Variants in CFDP1 observed in about 807,000 individuals in gnomAD.
CFDP1 encodes chromatin remodeling protein CFDP1.
CFDP1 carries 31 observed loss-of-function variants against 40.1 expected under a neutral mutation model. The ratio of observed to expected loss-of-function variants is 0.77; its 90% CI spans 0.58 to 1.04. The LOEUF is 1.04. Ranked by LOEUF, CFDP1 falls within the 50% of genes least tolerant of loss-of-function variation. CFDP1 has a pLI of 0.00. For missense variants in CFDP1, 423 were observed against 343.4 expected (o/e 1.23, Z -1.83); for synonymous variants, 167 against 120.0 (o/e 1.39, Z -2.56).
At chr16:75,399,296 G>T (rs1442677311) in intron 4 of CFDP1, among the ~76,000 whole-genome samples, 1 of 152,158 alleles carries the variant, frequency 6.6e-6, no homozygotes, top group Non-Finnish European at 1.5e-5. Flanking sequence ...CAGGCTTAAT[G>T]CAGGGTTCTG....
At chr16:75,421,558 T>C (rs1235932943) in intron 1 of CFDP1, among the ~76,000 whole-genome samples, 1 of 152,158 alleles carries the variant, frequency 6.6e-6, no homozygotes, top group Non-Finnish European at 1.5e-5. Context: ...ATAACCTTTC[T>C]AGTGCCCCAA....
chr16:75,430,319 G>A (rs1239947686), intron 1 of CFDP1, among the ~76,000 whole-genome samples: 3 of 151,720 alleles, frequency 2.0e-5, no homozygotes, highest in Non-Finnish European at 2.9e-5. Context: ...ACAGGCACAC[G>A]CCACCACACC....
chr16:75,418,306 CTTTTTTT>C (rs60458195), intron 1 of CFDP1, among the ~76,000 whole-genome samples: 1 of 107,140 alleles, frequency 9.3e-6, no homozygotes. Flanking sequence ...AACTCTAACC[CTTTTTTT>C]TTTTTTTTTT....
chr16:75,429,309 A>G (rs1201786316), intron 1 of CFDP1, among the ~76,000 whole-genome samples: 1 of 152,100 alleles, frequency 6.6e-6, no homozygotes, highest in Non-Finnish European at 1.5e-5. Context: ...TCAAACAGAC[A>G]ATCAATTACG....
At chr16:75,352,558 ATCTC>A (rs1204873241) in intron 5 of CFDP1, among the ~76,000 whole-genome samples, 3 of 152,182 alleles carry the variant, frequency 2.0e-5, no homozygotes, top group Admixed American at 2.0e-4. Flanking sequence ...TCATAAGTGT[ATCTC>A]TATCTTTTTA....
intron 4 of CFDP1, among the ~76,000 whole-genome samples, chr16:75,395,743 T>C (rs943959868): frequency 4.6e-5 from 7 of 152,184 alleles, no homozygotes; most frequent in African/African-American, 1.7e-4. Flanking sequence ...TATCACCCTA[T>C]AACAACCCAA....
chr16:75,396,939 A>C (rs1399406233), intron 4 of CFDP1, among the ~76,000 whole-genome samples: 1 of 151,962 alleles, frequency 6.6e-6, no homozygotes, highest in Non-Finnish European at 1.5e-5. Flanking sequence ...TTTGAGATGG[A>C]GTCTCGCTCT....
At chr16:75,397,123 C>T (rs1218382739) in intron 4 of CFDP1, among the ~76,000 whole-genome samples, 1 of 151,742 alleles carries the variant, frequency 6.6e-6, no homozygotes. Context: ...ACCGTGTTAG[C>T]CAGGATGGTC....
At chr16:75,413,844 C>T (rs1056443361) in intron 2 of CFDP1, among the ~76,000 whole-genome samples, 4 of 152,180 alleles carry the variant, frequency 2.6e-5, no homozygotes, top group African/African-American at 9.6e-5. Flanking sequence ...CTATGCCAGG[C>T]AATGGGCTAA....
intron 5 of CFDP1, among the ~76,000 whole-genome samples, chr16:75,311,970 C>T (rs2078295561): frequency 1.3e-5 from 2 of 152,002 alleles, no homozygotes; most frequent in South Asian, 4.2e-4. Context: ...CTGACACTGG[C>T]CTGGAACTCT....
intron 5 of CFDP1, among the ~76,000 whole-genome samples, chr16:75,347,160 T>C (rs1343151047): frequency 6.7e-6 from 1 of 149,646 alleles, no homozygotes; most frequent in Admixed American, 6.7e-5. Context: ...CTGGTCAACA[T>C]GGTGAAACCC....
chr16:75,397,432 G>C (rs1048224333), intron 4 of CFDP1, among the ~76,000 whole-genome samples: 3 of 151,876 alleles, frequency 2.0e-5, no homozygotes, highest in African/African-American at 7.3e-5. Flanking sequence ...CTTGAACCTG[G>C]GAGGCAGAGG....
chr16:75,323,808 T>C (rs1354637944), intron 5 of CFDP1, among the ~76,000 whole-genome samples: 2 of 151,212 alleles, frequency 1.3e-5, no homozygotes, highest in Non-Finnish European at 2.9e-5. Flanking sequence ...ATACTATACA[T>C]ACATAAAACA....
chr16:75,363,542 C>T (rs1428111761), intron 5 of CFDP1, among the ~76,000 whole-genome samples: 2 of 151,928 alleles, frequency 1.3e-5, no homozygotes, highest in African/African-American at 4.8e-5. Flanking sequence ...ATTATAGGTG[C>T]CCGCCATCAC....
intron 5 of CFDP1, among the ~76,000 whole-genome samples, chr16:75,316,727 T>C (rs182583514): frequency 2.9e-4 from 44 of 152,226 alleles, no homozygotes; most frequent in African/African-American, 1.0e-3. Flanking sequence ...CCTAGCACTT[T>C]GGGAGGCCAA....
At chr16:75,359,510 T>C (rs535874803) in intron 5 of CFDP1, among the ~76,000 whole-genome samples, 10 of 152,286 alleles carry the variant, frequency 6.6e-5, no homozygotes, top group African/African-American at 2.4e-4. Context: ...CCCCTAAGAC[T>C]CTTAAGGGGT....
chr16:75,318,566 T>C (rs780513559), intron 5 of CFDP1, among the ~76,000 whole-genome samples: 1 of 151,936 alleles, frequency 6.6e-6, no homozygotes, highest in East Asian at 1.9e-4. Flanking sequence ...CTGCCATGCC[T>C]AGCTAATTTT....
At chr16:75,376,658 G>C (rs972188001) in intron 5 of CFDP1, among the ~76,000 whole-genome samples, 1 of 152,160 alleles carries the variant, frequency 6.6e-6, no homozygotes, top group Non-Finnish European at 1.5e-5. Flanking sequence ...CCTTATCTTG[G>C]ATAGTGGCTA....
intron 5 of CFDP1, among the ~76,000 whole-genome samples, chr16:75,345,788 A>G (rs1428062322): frequency 6.6e-6 from 1 of 152,250 alleles, no homozygotes; most frequent in East Asian, 1.9e-4. Context: ...CATGAGGAAA[A>G]TAATTAAGTA....
Sources: allele counts gnomAD v4.1 joint callset (sites outside exome capture counted in the v4.1 genomes callset), GRCh38; gene constraint gnomAD v4.1.1; transcripts MANE v1.5; gene names NCBI Gene and HGNC (gene_info 2026-07-23, HGNC 2026-07-21).